ADAM19: variants seen among roughly 807,000 people sequenced by gnomAD.
The protein encoded by ADAM19 is disintegrin and metalloproteinase domain-containing protein 19.
In ADAM19, 65 loss-of-function variants were observed where a neutral mutation model predicts 114.7. The observed-to-expected ratio is 0.57, with a 90% CI of 0.46 to 0.70. The LOEUF is 0.70. Ranked by LOEUF, ADAM19 falls within the 30% of genes least tolerant of loss-of-function variation. The probability of loss-of-function intolerance (pLI) is 0.00; values close to 1 mark genes in which losing one functional copy is unlikely to be tolerated. For missense variants in ADAM19, 1,063 were observed against 1,204.7 expected, an observed-to-expected ratio of 0.88 and a Z score of 1.74; for synonymous variants, 466 against 460.5, an observed-to-expected ratio of 1.01 and a Z score of -0.15.
intron 21 of ADAM19, among the ~76,000 whole-genome samples, chr5:157,487,155 G>A (rs993834362): frequency 6.6e-6 from 1 of 151,964 alleles, no homozygotes; most frequent in Admixed American, 6.6e-5. Context: ...CTCAGCACAC[G>A]AGTACACTCT....
At chr5:157,530,667 G>T in intron 5 of ADAM19, 140 bp downstream of exon 5, 1 of 655,770 alleles carries the variant, frequency 1.5e-6, no homozygotes, top group Non-Finnish European at 2.7e-6. Context: ...CATCCTCCCA[G>T]GCTCAGCCCC....
chr5:157,566,697 T>A (rs1757673091), intron 2 of ADAM19: 1 of 152,204 alleles, frequency 6.6e-6, no homozygotes, highest in East Asian at 1.9e-4. Context: ...AACTGACAAC[T>A]TTTTTTGAGA....
intron 3 of ADAM19, among the ~76,000 whole-genome samples, chr5:157,547,837 C>T (rs1757090607): frequency 6.6e-6 from 1 of 152,130 alleles, no homozygotes; most frequent in South Asian, 2.1e-4. Context: ...TAAATTAGTC[C>T]TTCTCAAATG....
chr5:157,528,588 C>T (rs537921956), intron 5 of ADAM19, among the ~76,000 whole-genome samples: 1 of 152,252 alleles, frequency 6.6e-6, no homozygotes, highest in African/African-American at 2.4e-5. Flanking sequence ...TGCTTCCCAT[C>T]CAAAGCCCAT....
intron 13 of ADAM19, among the ~76,000 whole-genome samples, chr5:157,497,505 C>T (rs1179855118): frequency 6.6e-6 from 1 of 151,970 alleles, no homozygotes; most frequent in East Asian, 1.9e-4. Flanking sequence ...AATCTGTAGG[C>T]TTAAAGAGGT....
intron 11 of ADAM19, among the ~76,000 whole-genome samples, chr5:157,504,561 T>C (rs2113718480): frequency 6.6e-6 from 1 of 152,000 alleles, no homozygotes; most frequent in African/African-American, 2.4e-5. Context: ...AACATCATCC[T>C]TTCCATGTCA....
At chr5:157,491,771 C>T (rs771495678) in intron 17 of ADAM19, 48 bp from the exon 18 acceptor site, 1 of 1,611,890 alleles carries the variant, frequency 6.2e-7, no homozygotes, top group Admixed American at 1.7e-5. Context: ...AGAGCATCAG[C>T]CACCCACAGG....
chr5:157,482,084 T>G, intron 21 of ADAM19, 141 bp from the exon 22 acceptor site: 1 of 689,140 alleles, frequency 1.5e-6, no homozygotes, highest in Non-Finnish European at 2.4e-6. Context: ...GTATGTATAA[T>G]GTGTTTATAT....
chr5:157,490,606 A>T lies in ADAM19; in HGVS notation c.2096-152T>A, dbSNP rs984131666. The T allele has an allele frequency of 9.3e-6, 10 of 1,074,092 alleles. No individual in the cohort carries two copies. The African/African-American group carries it at 1.3e-4, about 14-fold the overall frequency. 66.5% of individuals were successfully genotyped at this position (1,074,092 alleles called of 1,614,324 possible). On this transcript the variant is annotated intron_variant, in intron 18 of 22. Coordinates refer to ENST00000257527, the MANE Select transcript of ADAM19 (RefSeq NM_033274.5). ...TTACAAATTATAATTAAAAACACAC[A>T]TTATGGGCCGGGCACAGTGGCTCAT...
chr5:157,488,415 A>G lies in ADAM19; in HGVS notation c.2400T>C (p.Gly800=), dbSNP rs899244676. Residue 800 remains glycine (G), a synonymous_variant, in exon 21 of 23, where the codon GGT becomes GGC. Transcript: ENST00000257527. ...PPRPPPDYLR[G]GSPPAPLPAH... ...CTGGCAGTGGTGCAGGTGGGGACCC[A>G]CCACGCAGATAATCTGGAGGGGGCC... 3.1e-6 allele frequency: 5 copies of G among 1,613,760 alleles called. No individual in the cohort carries two copies.
chr5:157,489,005 G>C, intron 20 of ADAM19, 97 bp downstream of exon 20: 1 of 936,924 alleles, frequency 1.1e-6, no homozygotes, highest in African/African-American at 1.6e-5. Context: ...ACTCCAGCCT[G>C]GGCGACAGGG....
chr5:157,554,801 A>C (rs1757320386), intron 3 of ADAM19, among the ~76,000 whole-genome samples: 1 of 152,172 alleles, frequency 6.6e-6, no homozygotes, highest in South Asian at 2.1e-4. Context: ...ACATCCTATG[A>C]GGTTATTATC....
intron 14 of ADAM19, among the ~76,000 whole-genome samples, chr5:157,496,300 C>T (rs976010751): frequency 2.0e-5 from 3 of 152,136 alleles, no homozygotes; most frequent in Non-Finnish European, 2.9e-5. Context: ...TAATTGGTCC[C>T]TACTGAAGGA....
chr5:157,571,079 TAGA>T, intron 1 of ADAM19, 99 bp from the exon 2 acceptor site: 1 of 961,060 alleles, frequency 1.0e-6, no homozygotes, highest in South Asian at 1.5e-5. Flanking sequence ...ACTGGGTCAT[TAGA>T]AGACTTGCTG....
intron 5 of ADAM19, among the ~76,000 whole-genome samples, chr5:157,526,515 C>A (rs1299371012): frequency 2.6e-5 from 4 of 152,290 alleles, no homozygotes; most frequent in East Asian, 3.9e-4. Context: ...GTCAGAGACA[C>A]CTTAACCCAG....
intron 14 of ADAM19, 116 bp downstream of exon 14, chr5:157,496,778 A>G: frequency 1.2e-6 from 1 of 838,588 alleles, no homozygotes; most frequent in Non-Finnish European, 1.8e-6. Flanking sequence ...GGGATGAAAG[A>G]GGTAGTATCT....
At chr5:157,510,376 A>G (rs982237949) in intron 8 of ADAM19, among the ~76,000 whole-genome samples, 6 of 152,360 alleles carry the variant, frequency 3.9e-5, no homozygotes, top group Middle Eastern at 6.8e-3. Flanking sequence ...CAGGAGGCTG[A>G]GGCAGGAGAA....
intron 5 of ADAM19, among the ~76,000 whole-genome samples, chr5:157,528,208 C>A (rs544828901): frequency 6.6e-6 from 1 of 152,308 alleles, no homozygotes; most frequent in East Asian, 1.9e-4. Flanking sequence ...CACCCACAGC[C>A]TTGGTTTCTT....
chr5:157,491,646 G>T lies in ADAM19; in HGVS notation c.2064C>A (p.Gly688=). 2.6e-6 allele frequency: 4 copies of T among 1,552,370 alleles called. No homozygotes were observed. Among genetic ancestry groups the T allele is most frequent in the South Asian group, 1.2e-5 (1 of 80,506 alleles). Residue 688 remains glycine, a synonymous_variant, in exon 18 of 23, where the codon GGC becomes GGA. Transcript: ENST00000257527. ...GGGGCATAGGCCCACTGTCGATACT[G>T]CCCCCGTGGCCCGGTGTGTTGCAGA... The part of the protein sequence containing the change: ...PPFCNTPGHG[G]SIDSGPMPPE...
Sources: allele counts gnomAD v4.1 joint callset (sites outside exome capture counted in the v4.1 genomes callset), GRCh38; gene constraint gnomAD v4.1.1; transcripts MANE v1.5; gene names NCBI Gene and HGNC (gene_info 2026-07-23, HGNC 2026-07-21).